The following RNF144B variants were observed in gnomAD, a reference collection of about 807,000 sequenced individuals.
RNF144B encodes ring finger protein 144B.
Under a neutral mutation model 40.2 loss-of-function variants are expected in RNF144B, and 25 were observed. The observed-to-expected ratio is 0.62, with a 90% CI of 0.45 to 0.87. The LOEUF is 0.87. RNF144B is among the 40% of genes least tolerant of loss of function. The pLI is 0.00. For synonymous variants in RNF144B, 145 were observed against 136.3 expected, an observed-to-expected ratio of 1.06 and a Z score of -0.44; for missense variants, 365 against 373.7, an observed-to-expected ratio of 0.98 and a Z score of 0.19.
chr6:18,387,564 A>G lies in RNF144B; in HGVS notation c.-103A>G, dbSNP rs766520861. 7.5e-7 allele frequency: 1 copy of G among 1,328,120 alleles called. No homozygotes were observed. The highest frequency in any genetic ancestry group is 9.9e-7 in the Non-Finnish European group (1 of 1,009,812). The allele number at this position is 1,328,120 out of a possible 1,614,324, so 82.3% of individuals were successfully genotyped here. On this transcript the variant is annotated 5_prime_UTR_variant, in exon 1 of 8. Transcript: ENST00000259939. ...CCTGTCCGGTGTGCCAGCAGCCCGG[A>G]CTGGCGGTGAGCGCGAGGGAGGCTA... is the stretch of plus-strand genomic sequence containing the variant.
Position 18,412,878 on chromosome 6 carries a change from C to G in RNF144B, c.165+13179C>G, listed in dbSNP as rs1439625771. ...GTAAGGAGGTCTTTTTGGTTTGACT[C>G]TTCTGGAAAATATGTGTGAGGTATT... On this transcript the variant is annotated intron_variant, in intron 2 of 7. Transcript: ENST00000259939. This position sits in a 1 kb window ranked among gnomAD's most constrained non-coding sequence, Gnocchi z 4.2. Among the ~76,000 whole-genome samples, 1 of 152,058 alleles carries G rather than the reference C, an allele frequency of 6.6e-6. No homozygotes were observed. Among genetic ancestry groups the G allele is most frequent in the Non-Finnish European group, 1.5e-5 (1 of 68,010 alleles).
At position 18,446,840 on chromosome 6, in the gene RNF144B, G is replaced by GGTGTGTGT. The variant is rs70974744; in HGVS notation, c.331+7123_331+7130dup. ...TAAAGTTTTATTGGTTCTATTTTAG[G>GGTGTGTGT]GTGTGTGTGTGTGTGTGTGTGTGTG... On this transcript the variant is annotated intron_variant, in intron 4 of 7. Transcript: ENST00000259939. The surrounding 1 kb of genome is among the most constrained non-coding windows in gnomAD (Gnocchi z 4.7). Among the ~76,000 whole-genome samples, 287 of 147,994 alleles carry GGTGTGTGT rather than the reference G, an allele frequency of 1.9e-3. 1 individual carries two copies. The highest frequency in any genetic ancestry group is 6.1e-3 in the African/African-American group (246 of 40,002).
rs537316912 is a variant in RNF144B, at chr6:18,398,951, C to T, written c.-36-548C>T. Among the ~76,000 whole-genome samples, 16 of 152,176 alleles carry T rather than the reference C, an allele frequency of 1.1e-4. No individual in the cohort carries two copies. The highest frequency in any genetic ancestry group is 3.1e-4 in the African/African-American group (13 of 41,484). On this transcript the variant is annotated intron_variant, in intron 1 of 7. Coordinates refer to ENST00000259939, the MANE Select transcript of RNF144B (RefSeq NM_182757.4). This position sits in a 1 kb window ranked among gnomAD's most constrained non-coding sequence, Gnocchi z 5.0. Reference sequence around the variant, plus strand: ...TATGTTTGCTCATAGTGATATTTCCCGCCCCTGACCTTCATTAAGGTATAA... The same window carrying T: ...TATGTTTGCTCATAGTGATATTTCCTGCCCCTGACCTTCATTAAGGTATAA...
intron 6 of RNF144B, 33 bp from the exon 7 acceptor site, chr6:18,463,258 A>G (rs372947148): frequency 1.5e-4 from 203 of 1,348,300 alleles, no homozygotes; most frequent in Non-Finnish European, 1.8e-4. Flanking sequence ...TTAAAACTGC[A>G]TATTTACTGA....
intron 2 of RNF144B, 62 bp from the exon 3 acceptor site, chr6:18,427,519 T>C: frequency 1.8e-6 from 2 of 1,129,340 alleles, no homozygotes; most frequent in Non-Finnish European, 2.6e-6. Flanking sequence ...GGTGGTTCTG[T>C]TATGTAACCT....
rs1758526785 is a variant in RNF144B at position 18,425,319 on chromosome 6, G to T, written c.166-2262G>T. ...TAAATTTCTTTAAGTGGCTGCTGGGGGTCAGTGGGAAGATCAAGGCAGTAA... is the reference window on the plus strand; with the variant it reads ...TAAATTTCTTTAAGTGGCTGCTGGGTGTCAGTGGGAAGATCAAGGCAGTAA... On this transcript the variant is annotated intron_variant, in intron 2 of 7. Transcript: ENST00000259939. The surrounding 1 kb of genome is among the most constrained non-coding windows in gnomAD (Gnocchi z 4.2). Among the ~76,000 whole-genome samples, 1 of 152,112 alleles carries T rather than the reference G, an allele frequency of 6.6e-6. No homozygotes were observed. The highest frequency in any genetic ancestry group is 2.4e-5 in the African/African-American group (1 of 41,406).
At position 18,422,823 on chromosome 6, in the gene RNF144B, T is replaced by G. The variant is rs114476373; in HGVS notation, c.166-4758T>G. Among the ~76,000 whole-genome samples the G allele has an allele frequency of 6.6e-5, 10 of 151,924 alleles. No homozygotes were observed. The highest frequency in any genetic ancestry group is 1.3e-4 in the Non-Finnish European group (9 of 67,990). On this transcript the variant is annotated intron_variant, in intron 2 of 7. Transcript: ENST00000259939. This position sits in a 1 kb window ranked among gnomAD's most constrained non-coding sequence, Gnocchi z 4.7. ...TCAATCAATCAATAGTCGAGTGTAG[T>G]GGCAGGCATCTGTAGCCTCAGCTAC...
intron 3 of RNF144B, among the ~76,000 whole-genome samples, chr6:18,433,699 C>T (rs915265431): frequency 5.3e-5 from 8 of 152,104 alleles, no homozygotes; most frequent in African/African-American, 1.7e-4. Context: ...CCCTGGAATT[C>T]CATTTCTTGC....
chr6:18,439,774 G>A, intron 4 of RNF144B, 30 bp downstream of exon 4: 1 of 1,483,528 alleles, frequency 6.7e-7, no homozygotes, highest in Non-Finnish European at 9.4e-7. Context: ...TCCTGATGAT[G>A]AATGTGGTTT....
At chr6:18,453,048 G>T (rs1473936144) in intron 4 of RNF144B, among the ~76,000 whole-genome samples, 1 of 151,582 alleles carries the variant, frequency 6.6e-6, no homozygotes, top group Non-Finnish European at 1.5e-5. Context: ...TGGCCCCTCA[G>T]AGTGCTGGGA....
chr6:18,414,790 C>T lies in RNF144B; in HGVS notation c.166-12791C>T, dbSNP rs1425278483. Among the ~76,000 whole-genome samples, 2 of 152,042 alleles carry T rather than the reference C, an allele frequency of 1.3e-5. No individual in the cohort carries two copies. Among genetic ancestry groups the T allele is most frequent in the African/African-American group, 4.8e-5 (2 of 41,398 alleles). ...TTAGTTTTAAAATATTGTACAACAT[C>T]CTGTTTCTATTCTTGAAGGTGAAAA... On this transcript the variant is annotated intron_variant, in intron 2 of 7. Coordinates refer to ENST00000259939, the MANE Select transcript of RNF144B (RefSeq NM_182757.4). The surrounding 1 kb of genome is among the most constrained non-coding windows in gnomAD (Gnocchi z 4.9).
chr6:18,396,677 T>G, intron 1 of RNF144B: 1 of 985,392 alleles, frequency 1.0e-6, no homozygotes, highest in South Asian at 4.7e-5. Flanking sequence ...CAGAATAGAT[T>G]GCATAAGCAG....
intron 2 of RNF144B, among the ~76,000 whole-genome samples, chr6:18,413,816 T>G (rs1795094236): frequency 6.6e-6 from 1 of 152,226 alleles, no homozygotes; most frequent in Admixed American, 6.5e-5. Context: ...AAAAATATTA[T>G]AGCTTAACAT....
rs1759613227 is a variant in RNF144B at position 18,468,171 on chromosome 6, A to G, written c.*3104A>G. On this transcript the variant is annotated 3_prime_UTR_variant, in exon 8 of 8. Transcript: ENST00000259939. The stretch of plus-strand genomic sequence containing the variant: ...TGTAGTCCATTTGCAATAGAAATAA[A>G]AAAATCCGTCACCAAATTGTAACCT... 6.6e-6 allele frequency: 1 copy of G among 152,214 alleles called. No homozygotes were observed. The highest frequency in any genetic ancestry group is 6.6e-5 in the Admixed American group (1 of 15,266). The allele number at this position is 152,214 out of a possible 1,614,324, so 9.4% of individuals were successfully genotyped here.
chr6:18,396,003 T>TC (rs1794687203), intron 1 of RNF144B, among the ~76,000 whole-genome samples: 1 of 152,356 alleles, frequency 6.6e-6, no homozygotes, highest in Non-Finnish European at 1.5e-5. Context: ...GAGTCATAAG[T>TC]CCTGCCTTTT....
chr6:18,441,696 T>C lies in RNF144B; in HGVS notation c.331+1952T>C, dbSNP rs1325605393. On this transcript the variant is annotated intron_variant, in intron 4 of 7. Coordinates refer to ENST00000259939, the MANE Select transcript of RNF144B (RefSeq NM_182757.4). This position sits in a 1 kb window ranked among gnomAD's most constrained non-coding sequence, Gnocchi z 4.9. ...ATCGTAGCTAAGACCCTGAGTGCAA[T>C]TGCAGGCTCCACCACTGGTAAGCTG... is the stretch of plus-strand genomic sequence containing the variant. Among the ~76,000 whole-genome samples the C allele has an allele frequency of 2.0e-5, 3 of 152,338 alleles. No homozygotes were observed. The East Asian group carries it at 5.8e-4, about 29-fold the overall frequency.
chr6:18,409,475 AGG>A (rs1794989230), intron 2 of RNF144B, among the ~76,000 whole-genome samples: 1 of 147,956 alleles, frequency 6.8e-6, no homozygotes, highest in Admixed American at 6.7e-5. Context: ...TTCTTGCCAT[AGG>A]TATATTAAGA....
intron 2 of RNF144B, among the ~76,000 whole-genome samples, chr6:18,427,268 A>T (rs985808856): frequency 4.8e-5 from 7 of 146,082 alleles, no homozygotes; most frequent in Non-Finnish European, 9.2e-5. Flanking sequence ...TTTTTTTTTT[A>T]AAGGAGGGGG....
At position 18,448,473 on chromosome 6, in the gene RNF144B, G is replaced by A. The variant is rs184182023; in HGVS notation, c.332-8682G>A. 2.3e-3 allele frequency among the ~76,000 whole-genome samples: 355 copies of A among 152,224 alleles called. No homozygotes were observed. Among genetic ancestry groups the A allele is most frequent in the South Asian group, 6.0e-3 (29 of 4,820 alleles). On this transcript the variant is annotated intron_variant, in intron 4 of 7. Transcript: ENST00000259939. The surrounding 1 kb of genome is among the most constrained non-coding windows in gnomAD (Gnocchi z 4.0). ...GTGAGAAGAGAAAAGGGGTAATGCA[G>A]ATTTGAAGCAAAAGGAGGAGCTTTA...
Sources: gnomAD v4.1 joint callset for allele counts (sites outside exome capture counted in the v4.1 genomes callset) on GRCh38, gnomAD v4.1.1 for gene constraint, Gnocchi (gnomAD v3.1) non-coding constraint, MANE v1.5 for transcripts, NCBI Gene and HGNC (gene_info 2026-07-23, HGNC 2026-07-21) for gene names.